Variants in DHRS7B observed in about 807,000 individuals in gnomAD.
DHRS7B encodes the protein peroxisomal reductase activating PPAR-gamma.
A neutral mutation model predicts 26.4 loss-of-function variants in DHRS7B; 24 were observed. The observed-to-expected ratio is 0.91, with a 90% CI of 0.66 to 1.28. The LOEUF (loss-of-function observed/expected upper bound fraction) is 1.28. Ranked by LOEUF, DHRS7B falls within the 50% of genes most tolerant of loss-of-function variation. The pLI is 0.00. For synonymous variants in DHRS7B, 142 were observed against 166.4 expected, an observed-to-expected ratio of 0.85 and a Z score of 1.13; for missense variants, 368 against 419.4, an observed-to-expected ratio of 0.88 and a Z score of 1.07.
In DHRS7B at chr17:21,182,401, T is replaced by C. The variant is rs140042328; in HGVS notation, c.310-1193T>C. ...GTAGCTGGGATTACAGGCATACGCC[T>C]CCATGCCCAGCTAGTTTTGTATTTT... On this transcript the variant is annotated intron_variant, in intron 3 of 6. Coordinates refer to ENST00000395511, the MANE Select transcript of DHRS7B (RefSeq NM_015510.5). Among the ~76,000 whole-genome samples, 83 of 152,130 alleles carry C rather than the reference T, an allele frequency of 5.5e-4. No individual in the cohort carries two copies. In the East Asian group the frequency reaches 0.015, roughly 27 times the overall value.
chr17:21,186,153 G>A (rs1043683714), intron 5 of DHRS7B, among the ~76,000 whole-genome samples: 1 of 152,232 alleles, frequency 6.6e-6, no homozygotes, highest in Non-Finnish European at 1.5e-5. Flanking sequence ...GGGCAAGTTG[G>A]TTAACTCAGA....
At chr17:21,131,336 G>C (rs564320049) in intron 1 of DHRS7B, among the ~76,000 whole-genome samples, 1 of 152,194 alleles carries the variant, frequency 6.6e-6, no homozygotes, top group Non-Finnish European at 1.5e-5. Context: ...GGTAATTCCC[G>C]GAACTGAGAG....
At chr17:21,186,174 C>G (rs903733457) in intron 5 of DHRS7B, among the ~76,000 whole-genome samples, 17 of 152,154 alleles carry the variant, frequency 1.1e-4, no homozygotes, top group African/African-American at 4.1e-4. Context: ...TAAGTAGTGG[C>G]CTTCTCACCT....
intron 2 of DHRS7B, among the ~76,000 whole-genome samples, chr17:21,176,216 G>A (rs1458304913): frequency 6.6e-6 from 1 of 151,956 alleles, no homozygotes; most frequent in Middle Eastern, 3.2e-3. Context: ...TCAAACTTCT[G>A]GGCTCAAGCG....
chr17:21,139,112 T>C (rs1392369251), intron 1 of DHRS7B, among the ~76,000 whole-genome samples: 2 of 152,180 alleles, frequency 1.3e-5, no homozygotes. Flanking sequence ...GAGGAACTTA[T>C]AGTTTAGCTT....
At chr17:21,170,039 C>T (rs879252791) in intron 1 of DHRS7B, among the ~76,000 whole-genome samples, 1 of 152,168 alleles carries the variant, frequency 6.6e-6, no homozygotes, top group Non-Finnish European at 1.5e-5. Flanking sequence ...TTCCCAAGCC[C>T]CCACCCCTCA....
chr17:21,130,554 G>A (rs1973207541), intron 1 of DHRS7B, among the ~76,000 whole-genome samples: 1 of 152,054 alleles, frequency 6.6e-6, no homozygotes, highest in South Asian at 2.1e-4. Context: ...AAAAAGATTT[G>A]CATACATATC....
At chr17:21,179,968 A>AT (rs1044112225) in intron 3 of DHRS7B, among the ~76,000 whole-genome samples, 11 of 148,424 alleles carry the variant, frequency 7.4e-5, no homozygotes, top group African/African-American at 2.7e-4. Context: ...GCTTCTCCAT[A>AT]TTGGTCAGGC....
chr17:21,142,123 G>C (rs1459295579), intron 1 of DHRS7B, among the ~76,000 whole-genome samples: 1 of 152,088 alleles, frequency 6.6e-6, no homozygotes, highest in Non-Finnish European at 1.5e-5. Flanking sequence ...CTTAAAATCC[G>C]AGCTCTTCAG....
At chr17:21,187,512 G>T (rs1974667672) in intron 5 of DHRS7B, among the ~76,000 whole-genome samples, 1 of 151,732 alleles carries the variant, frequency 6.6e-6, no homozygotes, top group Admixed American at 6.6e-5. Flanking sequence ...TGTAGTCCCA[G>T]CTACTCGGGA....
chr17:21,153,135 A>C (rs1251445889), intron 1 of DHRS7B, among the ~76,000 whole-genome samples: 1 of 152,258 alleles, frequency 6.6e-6, no homozygotes. Context: ...TAATATGCTA[A>C]GGACTTTAAT....
chr17:21,178,494 G>A (rs1007782047), intron 3 of DHRS7B, 152 bp downstream of exon 3: 16 of 639,128 alleles, frequency 2.5e-5, no homozygotes, highest in Admixed American at 1.9e-4. Context: ...ATAGCGAACC[G>A]GGCCCACTGC....
chr17:21,132,510 G>A (rs1973256657), intron 1 of DHRS7B, among the ~76,000 whole-genome samples: 2 of 143,590 alleles, frequency 1.4e-5, no homozygotes, highest in South Asian at 4.6e-4. Context: ...CAGCCTAGGT[G>A]GCAGAGGGAG....
intron 1 of DHRS7B, among the ~76,000 whole-genome samples, chr17:21,129,379 G>C (rs1378815166): frequency 6.6e-6 from 1 of 152,062 alleles, no homozygotes; most frequent in African/African-American, 2.4e-5. Flanking sequence ...GTGAGGTCTT[G>C]AGACTAGGAG....
At chr17:21,143,629 T>C (rs1237564691) in intron 1 of DHRS7B, among the ~76,000 whole-genome samples, 1 of 152,070 alleles carries the variant, frequency 6.6e-6, no homozygotes, top group Non-Finnish European at 1.5e-5. Flanking sequence ...GTCAAGTATT[T>C]ACAGAGGGTC....
chr17:21,137,421 G>A (rs1013530405), intron 1 of DHRS7B, among the ~76,000 whole-genome samples: 9 of 149,082 alleles, frequency 6.0e-5, no homozygotes, highest in Admixed American at 1.3e-4. Context: ...CTCAGCCTCC[G>A]GAGTAGCTGG....
At chr17:21,172,832 T>C (rs1295796452) in intron 2 of DHRS7B, among the ~76,000 whole-genome samples, 3 of 152,240 alleles carry the variant, frequency 2.0e-5, no homozygotes, top group Middle Eastern at 3.2e-3. Context: ...ACCGGGACCC[T>C]GGCCTGGAGT....
chr17:21,136,163 G>A (rs1233775766), intron 1 of DHRS7B, among the ~76,000 whole-genome samples: 1 of 152,026 alleles, frequency 6.6e-6, no homozygotes, highest in Non-Finnish European at 1.5e-5. Context: ...TTAGCTGGGT[G>A]TGGTGGTGCA....
chr17:21,127,169 G>A, intron 1 of DHRS7B, 178 bp downstream of exon 1: 1 of 622,852 alleles, frequency 1.6e-6, no homozygotes, highest in Middle Eastern at 4.4e-4. Flanking sequence ...CAGCCCAGGC[G>A]CTGGGACCAG....
Sources: gnomAD v4.1 joint callset for allele counts (sites outside exome capture counted in the v4.1 genomes callset) on GRCh38, gnomAD v4.1.1 for gene constraint, MANE v1.5 for transcripts, NCBI Gene and HGNC (gene_info 2026-07-23, HGNC 2026-07-21) for gene names.